Variants in WNT3 observed in about 807,000 individuals in gnomAD.
The protein encoded by WNT3 is Wnt family member 3.
A neutral mutation model predicts 34.2 loss-of-function variants in WNT3; 7 were observed. That is an observed-to-expected ratio of 0.20 (90% confidence interval 0.12 to 0.38). The LOEUF is 0.38. WNT3 is among the 10% of genes least tolerant of loss of function. The pLI is 1.00. For synonymous variants in WNT3, 212 were observed against 211.5 expected (o/e 1.00, Z -0.02); for missense variants, 267 against 499.8 (o/e 0.53, Z 4.44).
At chr17:46,795,441 G>T (rs1240803892) in intron 1 of WNT3, among the ~76,000 whole-genome samples, 2 of 152,074 alleles carry the variant, frequency 1.3e-5, no homozygotes, top group Non-Finnish European at 2.9e-5. Flanking sequence ...AAGACCAGCC[G>T]GCCCGTGGGC....
intron 1 of WNT3, among the ~76,000 whole-genome samples, chr17:46,801,069 G>A (rs902309289): frequency 3.3e-5 from 5 of 152,184 alleles, no homozygotes; most frequent in East Asian, 1.9e-4. Flanking sequence ...TCTCACATGC[G>A]TTATATCCTT....
chr17:46,766,704 T>C lies in WNT3; in HGVS notation c.*8+1608A>G, dbSNP rs960430803. 3.9e-5 allele frequency among the ~76,000 whole-genome samples: 6 copies of C among 152,232 alleles called. No individual in the cohort carries two copies. The East Asian group carries it at 9.7e-4, about 25-fold the overall frequency. On this transcript the variant is annotated intron_variant, in intron 4 of 4. Transcript: ENST00000225512. ...TCTCCATGACGTCAAGTACCTCCCA[T>C]ATCTCAGAGAGGCCCGTCCACTTCC...
rs1428996714 is a variant in WNT3 at position 46,764,189 on chromosome 17, G to A, written c.*441C>T. On this transcript the variant is annotated 3_prime_UTR_variant, in exon 5 of 5. Coordinates refer to ENST00000225512, the MANE Select transcript of WNT3 (RefSeq NM_030753.5). ...CTACTTCCTGACTCCCACCCTCCAG[G>A]CGTCTTGGAATGTCACCAGAAGCAG... 1 of 152,476 alleles carries A rather than the reference G, an allele frequency of 6.6e-6. No homozygotes were observed. Among genetic ancestry groups the A allele is most frequent in the Non-Finnish European group, 1.5e-5 (1 of 68,060 alleles). The allele number at this position is 152,476 out of a possible 1,614,324, so 9.4% of individuals were successfully genotyped here.
At chr17:46,786,022 T>A (rs936637953) in intron 1 of WNT3, among the ~76,000 whole-genome samples, 2 of 152,316 alleles carry the variant, frequency 1.3e-5, no homozygotes, top group Non-Finnish European at 2.9e-5. Context: ...TTTTTTGTTG[T>A]GTTGTGAGCA....
chr17:46,776,253 C>A (rs970698844), intron 1 of WNT3, among the ~76,000 whole-genome samples: 1 of 152,178 alleles, frequency 6.6e-6, no homozygotes, highest in African/African-American at 2.4e-5. Flanking sequence ...GCACCCTGGG[C>A]CTCCATACTG....
Position 46,818,633 on chromosome 17 carries a change from C to T in WNT3, c.-36G>A, listed in dbSNP as rs1271694166. The T allele has an allele frequency of 6.4e-7, 1 of 1,556,842 alleles. No individual in the cohort carries two copies. Among genetic ancestry groups the T allele is most frequent in the Admixed American group, 1.9e-5 (1 of 53,316 alleles). ...GCCGAGGAGGAAGTTTGCCCGCGACCATGAAGAGGGGGAGCGACGCCCCCA... is the reference window on the plus strand; with the variant it reads ...GCCGAGGAGGAAGTTTGCCCGCGACTATGAAGAGGGGGAGCGACGCCCCCA... On this transcript the variant is annotated 5_prime_UTR_variant, in exon 1 of 5. The change abolishes an upstream ATG in the 5' untranslated region. Transcript: ENST00000225512.
In WNT3 at chr17:46,792,821, G is replaced by A. The variant is rs374018784; in HGVS notation, c.81-18912C>T. ...TTAACATTTATTGAGGCCTGACTAT[G>A]TGCCAGTTGCCATGTAAAGCACTTT... is the stretch of plus-strand genomic sequence containing the variant. On this transcript the variant is annotated intron_variant, in intron 1 of 4. Transcript: ENST00000225512. Among the ~76,000 whole-genome samples the A allele has an allele frequency of 2.6e-5, 4 of 152,308 alleles. No individual in the cohort carries two copies. In the South Asian group the frequency reaches 8.3e-4, roughly 32 times the overall value.
At chr17:46,815,723 C>G (rs995923536) in intron 1 of WNT3, among the ~76,000 whole-genome samples, 1 of 152,168 alleles carries the variant, frequency 6.6e-6, no homozygotes, top group Non-Finnish European at 1.5e-5. Context: ...ACAGACAGGA[C>G]AAGCTGGTGT....
At chr17:46,795,729 G>T (rs1198413634) in intron 1 of WNT3, among the ~76,000 whole-genome samples, 1 of 152,212 alleles carries the variant, frequency 6.6e-6, no homozygotes, top group Non-Finnish European at 1.5e-5. Flanking sequence ...CCGCTGTGCA[G>T]TCTCAAAGCC....
intron 1 of WNT3, among the ~76,000 whole-genome samples, chr17:46,797,143 A>C (rs917434976): frequency 1.3e-5 from 2 of 152,212 alleles, no homozygotes; most frequent in African/African-American, 2.4e-5. Context: ...AAATGAGAAC[A>C]ATAAACACCA....
At chr17:46,811,651 C>T (rs1234964084) in intron 1 of WNT3, among the ~76,000 whole-genome samples, 1 of 152,168 alleles carries the variant, frequency 6.6e-6, no homozygotes, top group Non-Finnish European at 1.5e-5. Context: ...GGAGTTGCCT[C>T]TCAGAAGATT....
chr17:46,779,705 G>T (rs571035827), intron 1 of WNT3, among the ~76,000 whole-genome samples: 1 of 152,222 alleles, frequency 6.6e-6, no homozygotes, highest in Non-Finnish European at 1.5e-5. Context: ...GATAACGCCT[G>T]CTGTGGCCAG....
At chr17:46,806,476 C>T (rs770388390) in intron 1 of WNT3, among the ~76,000 whole-genome samples, 38 of 152,160 alleles carry the variant, frequency 2.5e-4, no homozygotes, top group Non-Finnish European at 3.8e-4. Flanking sequence ...CCCAAAGTGC[C>T]GGGGTTACAG....
chr17:46,778,948 G>GC (rs1356739300), intron 1 of WNT3, among the ~76,000 whole-genome samples: 1 of 152,048 alleles, frequency 6.6e-6, no homozygotes, highest in Non-Finnish European at 1.5e-5. Context: ...ATCCCAAAGT[G>GC]CTGAACTGAT....
At position 46,762,712 on chromosome 17, in the gene WNT3, A is replaced by G. The variant is rs1045164951; in HGVS notation, c.*1918T>C. 7 of 152,070 alleles carry G rather than the reference A, an allele frequency of 4.6e-5. No individual in the cohort carries two copies. The highest frequency in any genetic ancestry group is 3.3e-4 in the Admixed American group (5 of 15,260). The allele number at this position is 152,070 out of a possible 1,614,324, so 9.4% of individuals were successfully genotyped here. ...TCAACAACTTCTACAACTTTTTACA[A>G]AACTTTGGATACAGCAGGTTGGTAG... On this transcript the variant is annotated 3_prime_UTR_variant, in exon 5 of 5. Transcript: ENST00000225512.
intron 1 of WNT3, among the ~76,000 whole-genome samples, chr17:46,785,684 G>A (rs1348455678): frequency 2.6e-5 from 4 of 152,232 alleles, no homozygotes; most frequent in Non-Finnish European, 5.9e-5. Context: ...AGCCCGGGAG[G>A]ACCATGGTTC....
chr17:46,805,487 C>T (rs941116855), intron 1 of WNT3, among the ~76,000 whole-genome samples: 3 of 152,088 alleles, frequency 2.0e-5, no homozygotes, highest in Non-Finnish European at 2.9e-5. Context: ...GCAGGAGAAT[C>T]GCTTGAACCG....
chr17:46,770,115 T>C, intron 2 of WNT3, 67 bp from the exon 3 acceptor site: 1 of 1,479,382 alleles, frequency 6.8e-7, no homozygotes, highest in Middle Eastern at 2.3e-4. Flanking sequence ...TGCCTCCACC[T>C]CCCAGGCCAG....
rs750056644 is a variant in WNT3, at chr17:46,818,614, G to A, written c.-17C>T. On this transcript the variant is annotated 5_prime_UTR_variant, in exon 1 of 5. Coordinates refer to ENST00000225512, the MANE Select transcript of WNT3 (RefSeq NM_030753.5). ...GGGCTCCATTAGAAGAGGCGCCGAG[G>A]AGGAAGTTTGCCCGCGACCATGAAG... 2.5e-6 allele frequency: 4 copies of A among 1,583,224 alleles called. No homozygotes were observed. The highest frequency in any genetic ancestry group is 1.3e-5 in the African/African-American group (1 of 74,464).
Sources: gnomAD v4.1 joint callset for allele counts (sites outside exome capture counted in the v4.1 genomes callset) on GRCh38, gnomAD v4.1.1 for gene constraint, MANE v1.5 for transcripts, NCBI Gene and HGNC (gene_info 2026-07-23, HGNC 2026-07-21) for gene names.